Variants in PCSK6 observed in about 807,000 individuals in gnomAD.
PCSK6 encodes paired basic amino acid cleaving enzyme 4.
In PCSK6, 85 loss-of-function variants were observed where a neutral mutation model predicts 123.3. The observed-to-expected ratio is 0.69, with a 90% CI of 0.58 to 0.83. PCSK6 has a LOEUF of 0.83. Ranked by LOEUF, PCSK6 falls within the 40% of genes least tolerant of loss-of-function variation. The pLI is 0.00. For synonymous variants in PCSK6, 508 were observed against 516.0 expected (o/e 0.98, Z 0.21); for missense variants, 1,191 against 1,282.3 (o/e 0.93, Z 1.09).
At chr15:101,443,741 C>T (rs2056817581) in intron 1 of PCSK6, 81 bp from the exon 2 acceptor site, 1 of 989,688 alleles carries the variant, frequency 1.0e-6, no homozygotes, top group Admixed American at 1.7e-5. Context: ...AAGAATCTCC[C>T]CCTTATCTGA....
chr15:101,411,747 C>A (rs1179386589), intron 6 of PCSK6, among the ~76,000 whole-genome samples: 5 of 152,210 alleles, frequency 3.3e-5, no homozygotes, highest in Non-Finnish European at 5.9e-5. Context: ...GAGTGGCGAG[C>A]CTAGACCTCC....
chr15:101,489,616 CGGCGGCCCGG>C lies in PCSK6; in HGVS notation c.45_54del (p.Arg16ProfsTer102). On this transcript the variant is annotated frameshift_variant, in exon 1 of 22. Transcript: ENST00000611716. LOFTEE classifies it high-confidence loss of function. The stretch of plus-strand genomic sequence containing the variant: ...GCGCCCGCGGCGGTGTCGGTGGCGG[CGGCGGCCCGG>C]GGCGGCGGCCGGGGCCCGGGCGCAG... The C allele has an allele frequency of 1.0e-6, 1 of 974,676 alleles. No individual in the cohort carries two copies. The highest frequency in any genetic ancestry group is 1.2e-6 in the Non-Finnish European group (1 of 825,094). 60.4% of individuals were successfully genotyped at this position (974,676 alleles called of 1,614,324 possible).
intron 1 of PCSK6, among the ~76,000 whole-genome samples, chr15:101,447,308 G>A (rs1456993472): frequency 1.3e-5 from 2 of 152,120 alleles, no homozygotes; most frequent in Non-Finnish European, 2.9e-5. Flanking sequence ...TGGGGATGTG[G>A]CCACTGGCCT....
At chr15:101,462,954 G>A (rs1596361183) in intron 1 of PCSK6, 1 of 452,252 alleles carries the variant, frequency 2.2e-6, no homozygotes, top group Non-Finnish European at 4.4e-6. Flanking sequence ...AGCAGCCCCA[G>A]GAGCAGCCTG....
intron 9 of PCSK6, among the ~76,000 whole-genome samples, chr15:101,388,896 G>C (rs1003814894): frequency 2.6e-5 from 4 of 152,130 alleles, no homozygotes; most frequent in South Asian, 2.1e-4. Context: ...AGGCTAGGGC[G>C]GGGGGTCAAT....
rs777929252 is a variant in PCSK6, at chr15:101,427,909, T to C, written c.806A>G (p.Tyr269Cys). 1 of 1,581,528 alleles carries C rather than the reference T, an allele frequency of 6.3e-7. No individual in the cohort carries two copies. Among genetic ancestry groups the C allele is most frequent in the South Asian group, 1.2e-5 (1 of 86,058 alleles). Residue 269 changes from tyrosine (Y) to cysteine (C), a missense_variant, in exon 6 of 22, where the codon TAC becomes TGC. Coordinates refer to ENST00000611716, the MANE Select transcript of PCSK6 (RefSeq NM_002570.5). ...NNSYCIVGIA[Y>C]NAKIGGIRML... ...GGCCTTACCTCCTATTTTGGCATTG[T>C]ACGCTATGCCCACGATGCAGTAGGA... is the stretch of plus-strand genomic sequence containing the variant.
chr15:101,370,401 C>T lies in PCSK6; in HGVS notation c.1655G>A (p.Arg552His), dbSNP rs867788887. Residue 552 changes from arginine (R) to histidine (H), a missense_variant, in exon 12 of 22, where the codon CGC (arginine) becomes CAC (histidine). Physicochemically the swap from Arg to His is conservative, Grantham distance 29 (BLOSUM62 0). Coordinates refer to ENST00000611716, the MANE Select transcript of PCSK6 (RefSeq NM_002570.5). ...VVVRTSISHP[R>H]RGDLQIYLVS... is the part of the protein sequence containing the mutation. ...CAGGTAGATCTGGAGGTCTCCTCGG[C>T]GTGGGTGTGAGATGGAGGTGCGAAC... is the stretch of plus-strand genomic sequence containing the variant. The T allele has an allele frequency of 8.4e-6, 13 of 1,552,926 alleles. No individual in the cohort carries two copies. Among genetic ancestry groups the T allele is most frequent in the African/African-American group, 8.2e-5 (6 of 73,138 alleles).
At chr15:101,310,861 C>T (rs918929399) in intron 20 of PCSK6, among the ~76,000 whole-genome samples, 8 of 152,196 alleles carry the variant, frequency 5.3e-5, no homozygotes, top group African/African-American at 1.9e-4. Context: ...GCACCCCTCC[C>T]CTGCTCTGAC....
intron 13 of PCSK6, among the ~76,000 whole-genome samples, chr15:101,360,059 TC>T (rs2041167093): frequency 6.6e-6 from 1 of 152,112 alleles, no homozygotes; most frequent in Admixed American, 6.5e-5. Flanking sequence ...GGACAAAAAC[TC>T]TGAAGTCATC....
chr15:101,396,145 A>G (rs556635562), intron 7 of PCSK6, among the ~76,000 whole-genome samples: 2 of 152,184 alleles, frequency 1.3e-5, no homozygotes, highest in African/African-American at 4.8e-5. Flanking sequence ...TTTTACTTCC[A>G]AATGACGAAA....
intron 6 of PCSK6, among the ~76,000 whole-genome samples, chr15:101,421,455 C>T (rs963557193): frequency 3.9e-5 from 6 of 152,312 alleles, no homozygotes; most frequent in African/African-American, 1.4e-4. Flanking sequence ...ATTTCTAATG[C>T]ACAGAGTATG....
At chr15:101,327,829 C>G (rs1414975808) in intron 15 of PCSK6, among the ~76,000 whole-genome samples, 1 of 152,112 alleles carries the variant, frequency 6.6e-6, no homozygotes, top group Non-Finnish European at 1.5e-5. Context: ...ACTGGGGGGG[C>G]TTTGCGTGTC....
In PCSK6 at chr15:101,305,276, C is replaced by A; in HGVS notation, c.2892G>T (p.Thr964=). 6.2e-7 allele frequency: 1 copy of A among 1,611,656 alleles called. No individual in the cohort carries two copies. The highest frequency in any genetic ancestry group is 8.5e-7 in the Non-Finnish European group (1 of 1,179,582). The change falls in exon 22 of 22, where the codon ACG becomes ACT. Residue 964 remains threonine (T), a synonymous_variant. Transcript: ENST00000611716. This position sits in a 1 kb window ranked among gnomAD's most constrained non-coding sequence, Gnocchi z 4.8. The part of the protein sequence containing the change: ...RKLFIQFCCR[T]CLLAG Reference sequence around the variant, plus strand: ...GGCACCCTTACCCGGCCAGGAGGCACGTGCGGCAGCAGAACTGAATGAAGA... The same window carrying A: ...GGCACCCTTACCCGGCCAGGAGGCAAGTGCGGCAGCAGAACTGAATGAAGA...
chr15:101,468,535 T>C (rs2057522225), intron 1 of PCSK6, among the ~76,000 whole-genome samples: 1 of 152,216 alleles, frequency 6.6e-6, no homozygotes, highest in Non-Finnish European at 1.5e-5. Flanking sequence ...AGAAATCTGA[T>C]GCTTCCAAAT....
chr15:101,314,599 A>G (rs1172139936), intron 19 of PCSK6, among the ~76,000 whole-genome samples: 1 of 152,212 alleles, frequency 6.6e-6, no homozygotes, highest in Non-Finnish European at 1.5e-5. Context: ...GCTCAAGCAC[A>G]AGGCCCTGGG....
intron 7 of PCSK6, among the ~76,000 whole-genome samples, chr15:101,394,005 G>C (rs1352683415): frequency 6.6e-6 from 1 of 152,208 alleles, no homozygotes; most frequent in East Asian, 1.9e-4. Flanking sequence ...CCAGGAAGCT[G>C]GTAGCAGCTT....
chr15:101,370,154 G>A (rs1175141094), intron 12 of PCSK6, among the ~76,000 whole-genome samples, 181 bp downstream of exon 12: 1 of 152,188 alleles, frequency 6.6e-6, no homozygotes, highest in African/African-American at 2.4e-5. Flanking sequence ...CAACTTTTAA[G>A]GTTTTTGGGG....
chr15:101,356,641 T>C (rs976406728), intron 13 of PCSK6, among the ~76,000 whole-genome samples: 5 of 151,582 alleles, frequency 3.3e-5, no homozygotes, highest in African/African-American at 4.8e-5. Context: ...GATTGCGCCG[T>C]TGCACTCCAG....
intron 16 of PCSK6, among the ~76,000 whole-genome samples, chr15:101,326,051 G>A (rs1406082627): frequency 6.6e-6 from 1 of 152,210 alleles, no homozygotes; most frequent in Non-Finnish European, 1.5e-5. Context: ...GCCTTGAATC[G>A]CATCCGTCTC....
Sources: gnomAD v4.1 joint callset for allele counts (sites outside exome capture counted in the v4.1 genomes callset) on GRCh38, gnomAD v4.1.1 for gene constraint, Gnocchi (gnomAD v3.1) non-coding constraint, MANE v1.5 for transcripts, NCBI Gene and HGNC (gene_info 2026-07-23, HGNC 2026-07-21) for gene names.